The following RIF1 variants were observed in gnomAD, a reference collection of about 807,000 sequenced individuals.
The protein encoded by RIF1 is telomere-associated protein RIF1.
RIF1 carries 45 observed loss-of-function variants against 247.1 expected under a neutral mutation model. That is an observed-to-expected ratio of 0.18 (90% CI 0.14 to 0.23). The LOEUF is 0.23. Among genes scored for constraint, RIF1 ranks in the 10% least tolerant of loss-of-function variants. The pLI, the probability that RIF1 is intolerant of heterozygous loss-of-function variation, is 1.00. For synonymous variants in RIF1, 1,087 were observed against 978.8 expected, an observed-to-expected ratio of 1.11 and a Z score of -2.06; for missense variants, 2,967 against 2,862.5, an observed-to-expected ratio of 1.04 and a Z score of -0.83.
rs1491569355 is a variant in RIF1 at position 151,443,747 on chromosome 2, CCT to C, written c.1986+39_1986+40del. 1.5e-3 allele frequency: 1,919 copies of C among 1,310,150 alleles called. 25 individuals carry two copies. The South Asian group carries it at 0.025, about 17-fold the overall frequency. The allele number at this position is 1,310,150 out of a possible 1,614,324, so 81.2% of individuals were successfully genotyped here. On this transcript the variant is annotated intron_variant, in intron 18 of 35. Coordinates refer to ENST00000444746, the MANE Select transcript of RIF1 (RefSeq NM_018151.5). ...TCTGCTACGTATTTTGGATAATAGA[CCT>C]TTTTTTTTTGTTAGTGCAGTTGGGG... is the stretch of plus-strand genomic sequence containing the variant.
chr2:151,443,245 A>AT lies in RIF1; in HGVS notation c.1735-10dup. Reference sequence around the variant, plus strand: ...CTTTGTAACTGAGAAGATTGACTTCATTTTCTCCTTCAGGGAACTCCAGCT... The same window carrying AT: ...CTTTGTAACTGAGAAGATTGACTTCATTTTTCTCCTTCAGGGAACTCCAGCT... On this transcript the variant is annotated splice_polypyrimidine_tract_variant and intron_variant, in intron 16 of 35. Coordinates refer to ENST00000444746, the MANE Select transcript of RIF1 (RefSeq NM_018151.5). The AT allele has an allele frequency of 6.6e-7, 1 of 1,510,582 alleles. No homozygotes were observed. The highest frequency in any genetic ancestry group is 9.1e-7 in the Non-Finnish European group (1 of 1,094,006). 93.6% of individuals were successfully genotyped at this position (1,510,582 alleles called of 1,614,324 possible). A position where few individuals can be genotyped will look rare whatever the true frequency, so the allele number is the denominator to read the frequency against.
chr2:151,525,121 G>T, the RIF1 span: 1 of 1,387,412 alleles, frequency 7.2e-7, no homozygotes, highest in Non-Finnish European at 1.0e-6. Context: ...GGGTTCCACT[G>T]CTTCAAATGG....
At chr2:151,521,787 T>A in the RIF1 span, among the ~76,000 whole-genome samples, 1 of 152,226 alleles carries the variant, frequency 6.6e-6, no homozygotes, top group South Asian at 2.1e-4. Context: ...GGCTCCCTTC[T>A]CCATAGGAAG....
intron 11 of RIF1, among the ~76,000 whole-genome samples, chr2:151,502,386 A>G (rs982239316): frequency 7.5e-5 from 7 of 93,116 alleles, no homozygotes; most frequent in African/African-American, 2.1e-4. Flanking sequence ...ACATCTAAAC[A>G]TAAAAAAAAA....
chr2:151,412,789 C>T (rs1686487535), intron 3 of RIF1, among the ~76,000 whole-genome samples: 1 of 151,868 alleles, frequency 6.6e-6, no homozygotes, highest in African/African-American at 2.4e-5. Flanking sequence ...AGCCGTGTGC[C>T]TTTAAACAAG....
chr2:151,523,857 A>T, the RIF1 span, among the ~76,000 whole-genome samples: 3 of 151,748 alleles, frequency 2.0e-5, no homozygotes. Flanking sequence ...CCTACTTCCT[A>T]GCCCGGGCAG....
At chr2:151,522,565 G>A in the RIF1 span, among the ~76,000 whole-genome samples, 1 of 152,068 alleles carries the variant, frequency 6.6e-6, no homozygotes, top group Non-Finnish European at 1.5e-5. Context: ...GGAAAAGAAG[G>A]GTGTATGCAA....
At chr2:151,410,715 T>G (rs1348011163) in intron 2 of RIF1, among the ~76,000 whole-genome samples, 188 bp downstream of exon 2, 1 of 152,160 alleles carries the variant, frequency 6.6e-6, no homozygotes, top group Non-Finnish European at 1.5e-5. Flanking sequence ...GTACTGCTGC[T>G]GCTGCGCTTG....
chr2:151,424,687 A>G (rs773895713), intron 8 of RIF1, among the ~76,000 whole-genome samples: 2 of 151,756 alleles, frequency 1.3e-5, no homozygotes, highest in African/African-American at 2.4e-5. Context: ...TTTTTTTGAG[A>G]CAAGGTCTGG....
At chr2:151,425,397 A>G (rs1323697931) in intron 8 of RIF1, among the ~76,000 whole-genome samples, 1 of 151,968 alleles carries the variant, frequency 6.6e-6, no homozygotes, top group Non-Finnish European at 1.5e-5. Flanking sequence ...GTGAAGTATA[A>G]TATATATATT....
At chr2:151,439,537 G>C (rs576556910) in intron 14 of RIF1, among the ~76,000 whole-genome samples, 1 of 151,442 alleles carries the variant, frequency 6.6e-6, no homozygotes, top group South Asian at 2.1e-4. Flanking sequence ...GGTGGTGCAT[G>C]CCTGTAATCA....
chr2:151,419,073 C>T lies in RIF1; in HGVS notation c.504-1117C>T, dbSNP rs1687723039. Among the ~76,000 whole-genome samples, 3 of 150,272 alleles carry T rather than the reference C, an allele frequency of 2.0e-5. No individual in the cohort carries two copies. In the Admixed American group the frequency reaches 2.0e-4, roughly 10 times the overall value. ...GTCAGGATCATTCTACTGTCTCCCA[C>T]CTCCACATCTTGTCATACTGAAATG... On this transcript the variant is annotated intron_variant, in intron 6 of 35. Transcript: ENST00000444746.
At chr2:151,451,136 A>G (rs1694244476) in intron 20 of RIF1, among the ~76,000 whole-genome samples, 1 of 152,228 alleles carries the variant, frequency 6.6e-6, no homozygotes, top group African/African-American at 2.4e-5. Flanking sequence ...GCGCCTCATA[A>G]CAATGTGTCA....
downstream of RIF1, among the ~76,000 whole-genome samples, chr2:151,509,490 A>G (rs2072249664): frequency 6.6e-6 from 1 of 152,204 alleles, no homozygotes; most frequent in African/African-American, 2.4e-5. Flanking sequence ...TGCACACAGA[A>G]CTTGGATGTA....
At position 151,462,940 on chromosome 2, in the gene RIF1, T is replaced by C. The variant is rs2152496228; in HGVS notation, c.3420T>C (p.Gly1140=). 4 of 1,613,748 alleles carry C rather than the reference T, an allele frequency of 2.5e-6. No individual in the cohort carries two copies. In the East Asian group the frequency reaches 6.7e-5, roughly 27 times the overall value. ...CTCAAGATGTCACGGAAGACTGTGG[T>C]ATGGCTGAACATCTTGAAAAGTCCT... is the stretch of plus-strand genomic sequence containing the variant. ...VIPQDVTEDC[G]MAEHLEKSSL... The change falls in exon 30 of 36, where the codon GGT becomes GGC. Residue 1140 remains glycine, a synonymous_variant. Coordinates refer to ENST00000444746, the MANE Select transcript of RIF1 (RefSeq NM_018151.5).
chr2:151,442,902 G>A (rs573797056), intron 16 of RIF1, among the ~76,000 whole-genome samples: 107 of 151,088 alleles, frequency 7.1e-4, no homozygotes, highest in African/African-American at 2.5e-3. Context: ...CTCCCGAGTA[G>A]CTGGGACTAC....
intron 9 of RIF1, among the ~76,000 whole-genome samples, chr2:151,431,764 G>A (rs1690172834): frequency 7.0e-6 from 1 of 142,246 alleles, no homozygotes; most frequent in African/African-American, 2.5e-5. Flanking sequence ...GGCAACAAGA[G>A]TGAAACTTCC....
At chr2:151,412,232 A>G (rs1686363767) in intron 3 of RIF1, among the ~76,000 whole-genome samples, 1 of 147,810 alleles carries the variant, frequency 6.8e-6, no homozygotes, top group East Asian at 2.0e-4. Context: ...TGTTTTTAGA[A>G]TGAAAAAGTT....
At chr2:151,410,264 GT>G in intron 1 of RIF1, 149 bp from the exon 2 acceptor site, 2 of 660,794 alleles carry the variant, frequency 3.0e-6, no homozygotes, top group South Asian at 3.5e-5. Context: ...TCGCGCTGGG[GT>G]TTGGTGATTC....
Sources: allele counts gnomAD v4.1 joint callset (sites outside exome capture counted in the v4.1 genomes callset), GRCh38; gene constraint gnomAD v4.1.1; transcripts MANE v1.5; gene names NCBI Gene and HGNC (gene_info 2026-07-23, HGNC 2026-07-21).